The following NAV1 variants were observed in gnomAD, a reference collection of about 807,000 sequenced individuals.
NAV1 encodes the protein neuron navigator 1, also known as pore membrane and/or filament interacting like protein 3.
NAV1 carries 18 observed loss-of-function variants against 175.2 expected under a neutral mutation model. The observed-to-expected ratio is 0.10, with a 90% CI of 0.07 to 0.15. The LOEUF (loss-of-function observed/expected upper bound fraction) is 0.15. NAV1 is among the 10% of genes least tolerant of loss of function. NAV1 has a pLI of 1.00. For synonymous variants in NAV1, 897 were observed against 978.7 expected (o/e 0.92, Z 1.56); for missense variants, 1,731 against 2,436.6 (o/e 0.71, Z 6.10).
intron 3 of NAV1, among the ~76,000 whole-genome samples, chr1:201,774,680 C>A (rs1342442255): frequency 1.3e-5 from 2 of 152,196 alleles, no homozygotes; most frequent in African/African-American, 4.8e-5. Flanking sequence ...GACTTTGGAA[C>A]TCCAAAGCTA....
upstream of NAV1, among the ~76,000 whole-genome samples, chr1:201,645,843 G>A (rs1257447051): frequency 6.6e-6 from 1 of 152,230 alleles, no homozygotes; most frequent in Non-Finnish European, 1.5e-5. Flanking sequence ...GGTGTTGTCG[G>A]ATTCTCAAAT....
chr1:201,628,138 CAAA>C lies in NAV1; in HGVS notation c.-100-1250_-100-1248del, dbSNP rs5780079. On this transcript the variant is annotated intron_variant, in intron 1 of 29. Transcript: ENST00000367302. Reference sequence around the variant, plus strand: ...TGAGTGACACAGTGAGACCCTGTGTCAAAAAAAAAAAAAAAAAAGAGAGACAGT... The same window carrying C: ...TGAGTGACACAGTGAGACCCTGTGTCAAAAAAAAAAAAAAAGAGAGACAGT... Among the ~76,000 whole-genome samples, 870 of 95,746 alleles carry C rather than the reference CAAA, an allele frequency of 9.1e-3. 7 individuals carry two copies. Among genetic ancestry groups the C allele is most frequent in the African/African-American group, 0.027 (794 of 29,584 alleles). 62.8% of individuals were successfully genotyped at this position (95,746 alleles called of 152,430 possible). A position where few individuals can be genotyped will look rare whatever the true frequency, so the allele number is the denominator to read the frequency against.
At chr1:201,673,419 A>G (rs139013024) in intron 1 of NAV1, 8 of 152,372 alleles carry the variant, frequency 5.3e-5, no homozygotes, top group African/African-American at 1.7e-4. Context: ...CTGAAGTAGC[A>G]GCCTCAATTA....
intron 1 of NAV1, among the ~76,000 whole-genome samples, chr1:201,627,731 A>G (rs187045869): frequency 6.6e-6 from 1 of 152,172 alleles, no homozygotes; most frequent in Non-Finnish European, 1.5e-5. Flanking sequence ...CTTTCTCACC[A>G]ATATGTTGCA....
chr1:201,669,952 C>T (rs1405098319), intron 1 of NAV1, among the ~76,000 whole-genome samples: 1 of 151,934 alleles, frequency 6.6e-6, no homozygotes, highest in African/African-American at 2.4e-5. Context: ...CATCTCTGAT[C>T]CTGTGCATTG....
Position 201,740,157 on chromosome 1 carries a change from GC to G in NAV1, c.1226+21408del. The G allele has an allele frequency of 6.8e-6, 8 of 1,176,670 alleles. No individual in the cohort carries two copies. Among genetic ancestry groups the G allele is most frequent in the South Asian group, 3.4e-5 (2 of 58,418 alleles). The allele number at this position is 1,176,670 out of a possible 1,614,324, so 72.9% of individuals were successfully genotyped here. A position where few individuals can be genotyped will look rare whatever the true frequency, so the allele number is the denominator to read the frequency against. On this transcript the variant is annotated intron_variant, in intron 3 of 29. Transcript: ENST00000367296. The surrounding 1 kb of genome is among the most constrained non-coding windows in gnomAD (Gnocchi z 4.7). Reference sequence around the variant, plus strand: ...TTGTGGCACCCCCAGCCCCGCCGCAGCCCCCCAGTTCCGCCGCAGCTGCAGT... The same window carrying G: ...TTGTGGCACCCCCAGCCCCGCCGCAGCCCCCAGTTCCGCCGCAGCTGCAGT...
At chr1:201,789,671 G>A (rs1237632300) in intron 10 of NAV1, 69 bp from the exon 15 acceptor site, 1 of 1,406,282 alleles carries the variant, frequency 7.1e-7, no homozygotes, top group Admixed American at 1.7e-5. Flanking sequence ...TCCTGCCTTA[G>A]GGAGTCTTCC....
intron 1 of NAV1, among the ~76,000 whole-genome samples, chr1:201,687,845 C>T (rs912205086): frequency 2.0e-5 from 3 of 152,218 alleles, no homozygotes; most frequent in African/African-American, 7.2e-5. Context: ...GGGCAAGTTT[C>T]TCCAAGGCCC....
At position 201,734,452 on chromosome 1, in the gene NAV1, G is replaced by GGAGGAGGAGGAGGAA. The variant is rs1553261594; in HGVS notation, c.1226+15711_1226+15712insAGAGGAGGAGGAGGA. Among the ~76,000 whole-genome samples, 4 of 72,816 alleles carry GGAGGAGGAGGAGGAA rather than the reference G, an allele frequency of 5.5e-5. No homozygotes were observed. The Admixed American group carries it at 6.2e-4, about 11-fold the overall frequency. The allele number at this position is 72,816 out of a possible 152,430, so 47.8% of individuals were successfully genotyped here. A position where few individuals can be genotyped will look rare whatever the true frequency, so the allele number is the denominator to read the frequency against. On this transcript the variant is annotated intron_variant, in intron 3 of 29. Coordinates refer to ENST00000367296, the Ensembl canonical transcript of NAV1. Reference sequence around the variant, plus strand: ...AAGAAGAGGAAGAAGAAGAAGAAGAGGAGGAGGAGGAGGAGGAAGAGGAGG... The same window carrying GGAGGAGGAGGAGGAA: ...AAGAAGAGGAAGAAGAAGAAGAAGAGGAGGAGGAGGAGGAAGAGGAGGAGGAGGAGGAAGAGGAGG...
rs1463280324 is a variant in NAV1 at position 201,750,164 on chromosome 1, T to C, written c.1227-30257T>C. ...CTAGTACTTTGAATGACACTGAGGT[T>C]CACTGGCAACTTTCTGTGTAATTTT... is the stretch of plus-strand genomic sequence containing the variant. On this transcript the variant is annotated intron_variant, in intron 3 of 29. Coordinates refer to ENST00000367296, the Ensembl canonical transcript of NAV1. The surrounding 1 kb of genome is among the most constrained non-coding windows in gnomAD (Gnocchi z 4.1). 1.3e-5 allele frequency among the ~76,000 whole-genome samples: 2 copies of C among 152,208 alleles called. No homozygotes were observed. Among genetic ancestry groups the C allele is most frequent in the African/African-American group, 4.8e-5 (2 of 41,430 alleles).
intron 1 of NAV1, 120 bp downstream of exon 5, chr1:201,649,545 C>T: frequency 2.8e-6 from 4 of 1,411,394 alleles, no homozygotes; most frequent in Non-Finnish European, 3.7e-6. Context: ...CTCCTGTTCA[C>T]GATCAGGCTG....
At chr1:201,583,833 T>C (rs611764) in intron 1 of NAV1, among the ~76,000 whole-genome samples, 7,305 of 152,268 alleles carry the variant, frequency 0.048, 424 homozygotes, top group East Asian at 0.16. Flanking sequence ...AGAAGAGCAG[T>C]GCTGGTGCCT....
At position 201,783,402 on chromosome 1, in the gene NAV1, T is replaced by G. The variant is rs759027611; in HGVS notation, c.2358-4T>G. 4.3e-6 allele frequency: 7 copies of G among 1,613,022 alleles called. No homozygotes were observed. Among genetic ancestry groups the G allele is most frequent in the Non-Finnish European group, 5.9e-6 (7 of 1,179,314 alleles). On this transcript the variant is annotated splice_region_variant and splice_polypyrimidine_tract_variant and intron_variant, in intron 6 of 29. Coordinates refer to ENST00000367296, the Ensembl canonical transcript of NAV1. ...TCTAAATATTTCGTTTGATCTTCTC[T>G]CAGGGCCACAGCGAAGAGCTTTGTC... is the stretch of plus-strand genomic sequence containing the variant.
chr1:201,648,734 G>C (rs1248748104), exon 1 of NAV1: 4 of 1,411,512 alleles, frequency 2.8e-6, no homozygotes, highest in Non-Finnish European at 3.7e-6. Flanking sequence ...GCGGCGACGA[G>C]GGCGCGGACG....
intron 1 of NAV1, among the ~76,000 whole-genome samples, chr1:201,686,160 T>C (rs1670678295): frequency 6.6e-6 from 1 of 152,114 alleles, no homozygotes; most frequent in Admixed American, 6.5e-5. Context: ...AAGGGAGTCA[T>C]GTTGGTCCTC....
At chr1:201,639,367 T>TCTGCA (rs1668687766) in intron 2 of NAV1, among the ~76,000 whole-genome samples, 4 of 152,296 alleles carry the variant, frequency 2.6e-5, no homozygotes, top group African/African-American at 7.2e-5. Context: ...CATGGAGTTC[T>TCTGCA]GGCTTTAAAA....
chr1:201,643,134 CCCTTCCTT>C (rs914820913), intron 2 of NAV1, among the ~76,000 whole-genome samples: 1 of 145,008 alleles, frequency 6.9e-6, no homozygotes, highest in South Asian at 2.2e-4. Context: ...TTCCTTCTTT[CCCTTCCTT>C]CCTTCCTCTC....
At chr1:201,599,737 A>T (rs1302870597) in intron 2 of NAV1, among the ~76,000 whole-genome samples, 3 of 152,166 alleles carry the variant, frequency 2.0e-5, no homozygotes, top group African/African-American at 7.2e-5. Flanking sequence ...CGCAATTGCT[A>T]TAAAAGAGAC....
chr1:201,542,554 CAGGCCTGATTTCCTCCGAG>C (rs1475672014), intron 1 of NAV1, among the ~76,000 whole-genome samples: 1 of 152,178 alleles, frequency 6.6e-6, no homozygotes, highest in Non-Finnish European at 1.5e-5. Context: ...AAGGCTGACT[CAGGCCTGATTTCCTCCGAG>C]AGGCCTGCGA....
Sources: allele counts gnomAD v4.1 joint callset (sites outside exome capture counted in the v4.1 genomes callset), GRCh38; gene constraint gnomAD v4.1.1; non-coding constraint Gnocchi (gnomAD v3.1); transcripts MANE v1.5; gene names NCBI Gene and HGNC (gene_info 2026-07-23, HGNC 2026-07-21).